PDE1C: variants seen among roughly 807,000 people sequenced by gnomAD.
PDE1C encodes the protein phosphodiesterase 1C.
Under a neutral mutation model 93.1 loss-of-function variants are expected in PDE1C, and 62 were observed. The ratio of observed to expected loss-of-function variants is 0.67; its 90% CI spans 0.54 to 0.82. PDE1C has a LOEUF of 0.82. PDE1C is among the 40% of genes least tolerant of loss of function. The pLI, the probability that PDE1C is intolerant of heterozygous loss-of-function variation, is 0.00. For synonymous variants in PDE1C, 325 were observed against 310.1 expected, an observed-to-expected ratio of 1.05 and a Z score of -0.50; for missense variants, 742 against 884.6, an observed-to-expected ratio of 0.84 and a Z score of 2.04.
At chr7:32,128,932 TATATATATATATATATATATAA>T (rs58355181) in intron 3 of PDE1C, among the ~76,000 whole-genome samples, 7,112 of 105,800 alleles carry the variant, frequency 0.067, 443 homozygotes, top group East Asian at 0.2. Context: ...TATATATATA[TATATATATATATATATATATAA>T]AGAAAAATCT....
At chr7:32,167,529 A>C (rs1802375538) in intron 3 of PDE1C, among the ~76,000 whole-genome samples, 1 of 152,186 alleles carries the variant, frequency 6.6e-6, no homozygotes, top group South Asian at 2.1e-4. Context: ...GCTCAACATG[A>C]GACCTCATTT....
chr7:32,097,584 G>T (rs1436885332), intron 3 of PDE1C, among the ~76,000 whole-genome samples: 1 of 152,180 alleles, frequency 6.6e-6, no homozygotes, highest in Admixed American at 6.5e-5. Context: ...AAATGAGAGA[G>T]AAAATGCTCT....
At chr7:31,887,263 T>G (rs550712598) in intron 2 of PDE1C, among the ~76,000 whole-genome samples, 4 of 152,174 alleles carry the variant, frequency 2.6e-5, no homozygotes, top group Admixed American at 6.5e-5. Context: ...TGCGGTTTCC[T>G]CATTGAGTGA....
chr7:32,097,071 C>T (rs912804701), intron 3 of PDE1C, among the ~76,000 whole-genome samples: 3 of 152,164 alleles, frequency 2.0e-5, no homozygotes, highest in Non-Finnish European at 2.9e-5. Context: ...GACCAATGTC[C>T]CAGCTTAAAT....
At chr7:32,069,386 G>A (rs910421903) in intron 1 of PDE1C, among the ~76,000 whole-genome samples, 2 of 152,058 alleles carry the variant, frequency 1.3e-5, no homozygotes, top group Non-Finnish European at 2.9e-5. Context: ...TTGGAGAAAA[G>A]CCATATTTTT....
At chr7:32,051,846 A>G (rs1189203517) in intron 1 of PDE1C, among the ~76,000 whole-genome samples, 3 of 152,112 alleles carry the variant, frequency 2.0e-5, no homozygotes, top group African/African-American at 7.2e-5. Context: ...TTTCCTTTTG[A>G]AGGTTCCATG....
chr7:32,400,960 A>T (rs1458917374), intron 1 of PDE1C, among the ~76,000 whole-genome samples: 5 of 152,236 alleles, frequency 3.3e-5, no homozygotes, highest in Admixed American at 3.3e-4. Flanking sequence ...CACTTTGCCT[A>T]AGTGGCAAAA....
intron 2 of PDE1C, among the ~76,000 whole-genome samples, chr7:31,898,030 G>T (rs921198161): frequency 0.018 from 914 of 51,118 alleles, 7 homozygotes; most frequent in African/African-American, 0.036. Flanking sequence ...TTGTGTGTGT[G>T]TGTGTGTGTG....
rs76709452 is a variant in PDE1C, at chr7:31,793,007, T to G, written c.1891+16024A>C. On this transcript the variant is annotated intron_variant, in intron 16 of 17. Transcript: ENST00000396191. ...GTAAAGCTGTGAGAACTTTAAATCC[T>G]GAAGTGCAAATACATGGTATATGAA... is the stretch of plus-strand genomic sequence containing the variant. 2.7e-3 allele frequency among the ~76,000 whole-genome samples: 406 copies of G among 152,208 alleles called. 3 individuals are homozygous for G. Among genetic ancestry groups the G allele is most frequent in the African/African-American group, 9.4e-3 (389 of 41,554 alleles).
chr7:32,091,633 G>A lies in PDE1C; in HGVS notation c.308+78152C>T, dbSNP rs1172130812. Among the ~76,000 whole-genome samples the A allele has an allele frequency of 2.0e-5, 3 of 152,278 alleles. No individual in the cohort carries two copies. In the South Asian group the frequency reaches 6.2e-4, roughly 32 times the overall value. On this transcript the variant is annotated intron_variant, in intron 3 of 18. Coordinates refer to the PDE1C transcript ENST00000396193. ...TGGTTCAAGAAGCAAGGTGGCTAATGTAGGTGGAGTTGGAAGAGCCAGTGG... is the reference window on the plus strand; with the variant it reads ...TGGTTCAAGAAGCAAGGTGGCTAATATAGGTGGAGTTGGAAGAGCCAGTGG...
At chr7:32,093,449 A>G (rs1797582568) in intron 3 of PDE1C, among the ~76,000 whole-genome samples, 1 of 152,140 alleles carries the variant, frequency 6.6e-6, no homozygotes, top group East Asian at 1.9e-4. Flanking sequence ...TATACTGCTG[A>G]CTCATTTACC....
Position 32,186,565 on chromosome 7 carries a change from G to A in PDE1C, c.137-16609C>T, listed in dbSNP as rs367686434. 2.9e-3 allele frequency among the ~76,000 whole-genome samples: 445 copies of A among 152,108 alleles called. 1 individual carries two copies. In the Middle Eastern group the frequency reaches 0.037, roughly 13 times the overall value. ...AGTAGTTGTTTTTAGTGGTGGTGTC[G>A]CTTAAACTTGTCTTCTTCCTTTCTT... On this transcript the variant is annotated intron_variant, in intron 2 of 18. Coordinates refer to the PDE1C transcript ENST00000396193.
chr7:32,224,506 G>A (rs149656466), intron 1 of PDE1C, among the ~76,000 whole-genome samples: 27 of 152,306 alleles, frequency 1.8e-4, no homozygotes, highest in African/African-American at 5.3e-4. Context: ...CCTCGGGGTT[G>A]TCAGGATGAG....
At chr7:32,195,490 T>C (rs1435778128) in intron 2 of PDE1C, among the ~76,000 whole-genome samples, 1 of 152,190 alleles carries the variant, frequency 6.6e-6, no homozygotes, top group Non-Finnish European at 1.5e-5. Flanking sequence ...ATTCAAATTG[T>C]GTTTTCCCTA....
chr7:32,246,765 G>T (rs572238412), intron 1 of PDE1C, among the ~76,000 whole-genome samples: 7 of 152,228 alleles, frequency 4.6e-5, no homozygotes, highest in Admixed American at 3.3e-4. Context: ...GATATAAATG[G>T]GTTTAATAAT....
At chr7:32,319,563 G>A (rs778513083) in intron 1 of PDE1C, among the ~76,000 whole-genome samples, 6 of 152,202 alleles carry the variant, frequency 3.9e-5, no homozygotes, top group Non-Finnish European at 8.8e-5. Flanking sequence ...GAGGCAAAAC[G>A]GGAAAAGTAG....
At chr7:31,732,424 A>T in the PDE1C span, among the ~76,000 whole-genome samples, 6 of 152,196 alleles carry the variant, frequency 3.9e-5, no homozygotes, top group East Asian at 1.2e-3. Context: ...AGTAAAGCAC[A>T]ATGTGGGTGG....
intron 3 of PDE1C, among the ~76,000 whole-genome samples, chr7:32,161,511 G>A (rs922107933): frequency 6.6e-6 from 1 of 152,094 alleles, no homozygotes; most frequent in African/African-American, 2.4e-5. Flanking sequence ...GAGACGAGAA[G>A]TGCATTTACC....
chr7:31,845,761 C>T (rs1792495009), intron 9 of PDE1C, among the ~76,000 whole-genome samples: 1 of 152,050 alleles, frequency 6.6e-6, no homozygotes, highest in Non-Finnish European at 1.5e-5. Context: ...GAGGCCAAGG[C>T]TAGTGGGTCA....
Sources: allele counts gnomAD v4.1 joint callset (sites outside exome capture counted in the v4.1 genomes callset), GRCh38; gene constraint gnomAD v4.1.1; transcripts MANE v1.5; gene names NCBI Gene and HGNC (gene_info 2026-07-23, HGNC 2026-07-21).